Variants in CNTN6 observed in about 807,000 individuals in gnomAD.
CNTN6 encodes the protein contactin-6.
A neutral mutation model predicts 122.8 loss-of-function variants in CNTN6; 137 were observed. The ratio of observed to expected loss-of-function variants is 1.12; its 90% CI spans 0.97 to 1.29. The LOEUF is 1.29. CNTN6 is among the 50% of genes most tolerant of loss of function. CNTN6 has a pLI of 0.00. For missense variants in CNTN6, 1,634 were observed against 1,223.4 expected (o/e 1.34, Z -5.01); for synonymous variants, 570 against 426.0 (o/e 1.34, Z -4.16).
intron 1 of CNTN6, among the ~76,000 whole-genome samples, chr3:1,102,391 A>G (rs2090948741): frequency 6.6e-6 from 1 of 152,202 alleles, no homozygotes; most frequent in South Asian, 2.1e-4. Context: ...GAAACTCAGA[A>G]ATCAGGTGTG....
chr3:1,239,284 A>C (rs937436560), intron 4 of CNTN6, among the ~76,000 whole-genome samples: 3 of 152,226 alleles, frequency 2.0e-5, no homozygotes, highest in African/African-American at 7.2e-5. Context: ...AGATTCATCC[A>C]AAAATCTTCT....
rs1436641456 is a variant in CNTN6 at position 1,383,274 on chromosome 3, G to GTCTT, written c.2402-15_2402-12dup. The GTCTT allele has an allele frequency of 6.2e-7, 1 of 1,604,942 alleles. No homozygotes were observed. The highest frequency in any genetic ancestry group is 1.7e-5 in the Admixed American group (1 of 60,006). On this transcript the variant is annotated intron_variant, in intron 18 of 22. Coordinates refer to ENST00000446702, the MANE Select transcript of CNTN6 (RefSeq NM_001289080.2). ...GAACCACTCTGCTAAAGATGGTTAT[G>GTCTT]TCTTTCTCTGGATGGTAGAACCTCA...
At chr3:1,173,058 C>G in intron 2 of CNTN6, 1 of 371,740 alleles carries the variant, frequency 2.7e-6, no homozygotes, top group South Asian at 2.0e-5. Context: ...CCAGAACTGA[C>G]TCAGCGCCAT....
At chr3:1,172,725 C>T (rs909373180) in intron 2 of CNTN6, among the ~76,000 whole-genome samples, 11 of 151,520 alleles carry the variant, frequency 7.3e-5, no homozygotes, top group Admixed American at 2.6e-4. Flanking sequence ...GAACTATGTC[C>T]CAGTGGATCA....
chr3:1,150,137 C>T (rs2092807864), intron 2 of CNTN6, among the ~76,000 whole-genome samples: 1 of 152,116 alleles, frequency 6.6e-6, no homozygotes, highest in Non-Finnish European at 1.5e-5. Flanking sequence ...TAATGACATA[C>T]ACAAGACAAC....
At position 1,371,909 on chromosome 3, in the gene CNTN6, C is replaced by G. The variant is rs186668190; in HGVS notation, c.1493-390C>G. Among the ~76,000 whole-genome samples, 311 of 152,162 alleles carry G rather than the reference C, an allele frequency of 2.0e-3. 3 individuals carry two copies. The highest frequency in any genetic ancestry group is 7.2e-3 in the African/African-American group (297 of 41,510). On this transcript the variant is annotated intron_variant, in intron 12 of 22. Transcript: ENST00000446702. ...ATAATCTTAGAAACATGGTTTGTCT[C>G]ATGGTATATGAAGTTAACAGAGAGC...
intron 12 of CNTN6, among the ~76,000 whole-genome samples, chr3:1,353,213 A>T (rs1705945447): frequency 6.6e-6 from 1 of 151,740 alleles, no homozygotes; most frequent in African/African-American, 2.4e-5. Flanking sequence ...CCTGGATGAT[A>T]AAAATGGCTC....
At chr3:1,196,467 G>C (rs930148221) in intron 2 of CNTN6, among the ~76,000 whole-genome samples, 1 of 151,884 alleles carries the variant, frequency 6.6e-6, no homozygotes, top group African/African-American at 2.4e-5. Context: ...TTTTGTTTTT[G>C]TTTTTGTTTT....
intron 7 of CNTN6, among the ~76,000 whole-genome samples, chr3:1,303,515 G>C (rs3898716): frequency 0.65 from 98,437 of 151,992 alleles, 35,348 homozygotes; most frequent in East Asian, 1. Flanking sequence ...TTGCCCTTGG[G>C]TTTCCCTAGA....
intron 2 of CNTN6, among the ~76,000 whole-genome samples, chr3:1,202,814 CT>C (rs1487188719): frequency 6.6e-6 from 1 of 152,128 alleles, no homozygotes; most frequent in Non-Finnish European, 1.5e-5. Context: ...AAAATATGAA[CT>C]TCCTCATGTT....
intron 5 of CNTN6, among the ~76,000 whole-genome samples, chr3:1,286,664 G>A (rs1028918517): frequency 6.6e-6 from 1 of 152,088 alleles, no homozygotes; most frequent in African/African-American, 2.4e-5. Context: ...GTGGTTCCAA[G>A]TCTTTGCTAT....
chr3:1,119,018 A>C (rs183662338), intron 1 of CNTN6, among the ~76,000 whole-genome samples: 1 of 152,122 alleles, frequency 6.6e-6, no homozygotes, highest in Non-Finnish European at 1.5e-5. Context: ...AAATTCAGTG[A>C]TCCATCTCCC....
chr3:1,389,986 CA>C (rs1393492911), intron 20 of CNTN6, among the ~76,000 whole-genome samples: 119 of 151,294 alleles, frequency 7.9e-4, no homozygotes, highest in African/African-American at 2.8e-3. Context: ...CCACTGTCAA[CA>C]TTAGACAGAT....
chr3:1,293,629 G>C (rs779254991), intron 5 of CNTN6, among the ~76,000 whole-genome samples: 1 of 152,058 alleles, frequency 6.6e-6, no homozygotes, highest in Admixed American at 6.6e-5. Context: ...TCTCTGTTTG[G>C]ACAAGAGGCT....
Position 1,325,042 on chromosome 3 carries a change from CCAGT to C in CNTN6, c.947-768_947-765del, listed in dbSNP as rs539099906. On this transcript the variant is annotated intron_variant, in intron 8 of 22. Transcript: ENST00000446702. The stretch of plus-strand genomic sequence containing the variant: ...ATTAATTGGCACCTCCAGGCAGTTT[CCAGT>C]CAGTTTATGAAAGAGATATTCATGT... 4.0e-4 allele frequency among the ~76,000 whole-genome samples: 61 copies of C among 151,920 alleles called. 1 individual carries two copies. Among genetic ancestry groups the C allele is most frequent in the African/African-American group, 1.3e-3 (56 of 41,488 alleles).
chr3:1,322,459 C>T (rs954316074), intron 8 of CNTN6, among the ~76,000 whole-genome samples: 1 of 151,684 alleles, frequency 6.6e-6, no homozygotes, highest in Non-Finnish European at 1.5e-5. Context: ...GTAAACAATA[C>T]AATATATCTC....
chr3:1,140,255 A>G (rs1039280823), intron 1 of CNTN6, among the ~76,000 whole-genome samples: 5 of 152,190 alleles, frequency 3.3e-5, no homozygotes, highest in African/African-American at 1.2e-4. Flanking sequence ...CATTTCTATA[A>G]GATATAATTA....
At position 1,266,397 on chromosome 3, in the gene CNTN6, G is replaced by A. The variant is rs560547710; in HGVS notation, c.359-12016G>A. ...CCTGCAGTCACTCTCCCGAATTCCAGTTGTGGAAGTTCTTGCAAACCGAAA... is the reference window on the plus strand; with the variant it reads ...CCTGCAGTCACTCTCCCGAATTCCAATTGTGGAAGTTCTTGCAAACCGAAA... On this transcript the variant is annotated intron_variant, in intron 4 of 22. Coordinates refer to ENST00000446702, the MANE Select transcript of CNTN6 (RefSeq NM_001289080.2). Among the ~76,000 whole-genome samples the A allele has an allele frequency of 2.6e-5, 4 of 152,214 alleles. No individual in the cohort carries two copies. The South Asian group carries it at 8.3e-4, about 32-fold the overall frequency.
At chr3:1,244,064 G>T (rs2094525190) in intron 4 of CNTN6, among the ~76,000 whole-genome samples, 2 of 152,178 alleles carry the variant, frequency 1.3e-5, no homozygotes, top group African/African-American at 4.8e-5. Context: ...GGTCTTGTAG[G>T]ATGGAGAAAT....
Sources: gnomAD v4.1 joint callset for allele counts (sites outside exome capture counted in the v4.1 genomes callset) on GRCh38, gnomAD v4.1.1 for gene constraint, MANE v1.5 for transcripts, NCBI Gene and HGNC (gene_info 2026-07-23, HGNC 2026-07-21) for gene names.